SGCZ: variants seen among roughly 807,000 people sequenced by gnomAD.
The protein encoded by SGCZ is sarcoglycan zeta.
In SGCZ, 40 loss-of-function variants were observed where a neutral mutation model predicts 41.3. The observed-to-expected ratio is 0.97, with a 90% CI of 0.75 to 1.26. The LOEUF (loss-of-function observed/expected upper bound fraction) is 1.26. SGCZ is among the 50% of genes most tolerant of loss of function. SGCZ has a pLI of 0.00. For synonymous variants in SGCZ, 206 were observed against 137.5 expected (o/e 1.50, Z -3.49); for missense variants, 552 against 369.8 (o/e 1.49, Z -4.04).
chr8:14,916,816 G>A (rs1271298277), intron 1 of SGCZ, among the ~76,000 whole-genome samples: 1 of 152,028 alleles, frequency 6.6e-6, no homozygotes, highest in Non-Finnish European at 1.5e-5. Context: ...TAGAGCCAAG[G>A]ATTCAGCTGG....
Position 14,773,765 on chromosome 8 carries a change from A to G in SGCZ, c.40-218839T>C, listed in dbSNP as rs140576238. On this transcript the variant is annotated intron_variant, in intron 1 of 7. Coordinates refer to ENST00000382080, the MANE Select transcript of SGCZ (RefSeq NM_139167.4). ...CTCCTTCTATCTGTAAGGCAAAGTC[A>G]GCAGAGACTCTTAACCAAGGATGAA... 1.1e-3 allele frequency among the ~76,000 whole-genome samples: 165 copies of G among 152,322 alleles called. 2 individuals are homozygous for G. The highest frequency in any genetic ancestry group is 3.8e-3 in the African/African-American group (160 of 41,580).
intron 2 of SGCZ, among the ~76,000 whole-genome samples, chr8:14,463,238 G>C (rs1281651269): frequency 6.6e-6 from 1 of 150,884 alleles, no homozygotes; most frequent in African/African-American, 2.4e-5. Context: ...TCTCATGAGA[G>C]CTCAAATAGC....
At chr8:15,099,197 A>C (rs1806507893) in intron 1 of SGCZ, among the ~76,000 whole-genome samples, 1 of 152,248 alleles carries the variant, frequency 6.6e-6, no homozygotes, top group Non-Finnish European at 1.5e-5. Context: ...TTAATCGTGT[A>C]GTCTTTGTGA....
intron 1 of SGCZ, among the ~76,000 whole-genome samples, chr8:14,969,011 C>G (rs1801208296): frequency 6.6e-6 from 1 of 152,010 alleles, no homozygotes. Context: ...AGAACATTTA[C>G]ATCATTGTGC....
chr8:14,347,885 C>T (rs1563271804), intron 2 of SGCZ, among the ~76,000 whole-genome samples: 1 of 152,102 alleles, frequency 6.6e-6, no homozygotes, highest in African/African-American at 2.4e-5. Context: ...CCAAGTGCCT[C>T]AGCTTTAAAA....
intron 7 of SGCZ, among the ~76,000 whole-genome samples, chr8:14,094,946 G>C (rs184891275): frequency 1.3e-5 from 2 of 150,818 alleles, no homozygotes; most frequent in Non-Finnish European, 2.9e-5. Flanking sequence ...TTGGACAAGT[G>C]TCTGTTCATA....
At chr8:14,882,827 G>C (rs1195643866) in intron 1 of SGCZ, among the ~76,000 whole-genome samples, 1 of 151,962 alleles carries the variant, frequency 6.6e-6, no homozygotes, top group Non-Finnish European at 1.5e-5. Flanking sequence ...TGTCGGCTCA[G>C]CATCATTTGG....
intron 1 of SGCZ, among the ~76,000 whole-genome samples, chr8:15,227,262 C>A (rs913792116): frequency 3.3e-5 from 5 of 152,084 alleles, no homozygotes; most frequent in African/African-American, 4.8e-5. Context: ...TATGTATAAA[C>A]AGAATTTGTG....
intron 1 of SGCZ, among the ~76,000 whole-genome samples, chr8:14,922,074 G>T (rs937652314): frequency 5.3e-5 from 8 of 152,026 alleles, no homozygotes; most frequent in Non-Finnish European, 1.0e-4. Context: ...TTGAAGCCAA[G>T]CCAAGTGGTG....
intron 1 of SGCZ, among the ~76,000 whole-genome samples, chr8:15,024,657 G>C (rs1376454594): frequency 6.6e-6 from 1 of 152,080 alleles, no homozygotes; most frequent in Non-Finnish European, 1.5e-5. Flanking sequence ...ACAGTGGTCA[G>C]GCCGGGTGGT....
chr8:14,701,973 G>A (rs1462703931), intron 1 of SGCZ, among the ~76,000 whole-genome samples: 2 of 151,682 alleles, frequency 1.3e-5, no homozygotes, highest in Admixed American at 1.3e-4. Context: ...TCCTAATTAT[G>A]TCCTCCTCTT....
intron 1 of SGCZ, among the ~76,000 whole-genome samples, chr8:14,791,880 A>G (rs1800966552): frequency 6.6e-6 from 1 of 152,236 alleles, no homozygotes; most frequent in South Asian, 2.1e-4. Flanking sequence ...TTAAAATGAT[A>G]CAGATGGGTT....
chr8:14,289,166 T>G (rs1768411870), intron 3 of SGCZ, among the ~76,000 whole-genome samples: 1 of 152,094 alleles, frequency 6.6e-6, no homozygotes, highest in South Asian at 2.1e-4. Flanking sequence ...TTATTTTGGA[T>G]GTTAGAGTTT....
chr8:14,468,737 C>G (rs923555350), intron 2 of SGCZ, among the ~76,000 whole-genome samples: 1 of 152,040 alleles, frequency 6.6e-6, no homozygotes, highest in African/African-American at 2.4e-5. Flanking sequence ...AAATCAGTTT[C>G]TCCTAGACTT....
chr8:14,445,307 A>T (rs1800399265), intron 2 of SGCZ, among the ~76,000 whole-genome samples: 1 of 152,164 alleles, frequency 6.6e-6, no homozygotes, highest in Non-Finnish European at 1.5e-5. Context: ...ATTCTAAACA[A>T]TGTATTTTTA....
intron 2 of SGCZ, among the ~76,000 whole-genome samples, chr8:14,386,638 A>G (rs567302704): frequency 6.6e-6 from 1 of 152,260 alleles, no homozygotes; most frequent in Admixed American, 6.5e-5. Context: ...TATTTCTCTA[A>G]ATTTGGTTTA....
chr8:14,633,901 A>C (rs551407619), intron 1 of SGCZ, among the ~76,000 whole-genome samples: 1 of 151,392 alleles, frequency 6.6e-6, no homozygotes, highest in African/African-American at 2.4e-5. Context: ...AACAAACAAA[A>C]GTTTCTTAAT....
chr8:14,645,898 A>G (rs564823792), intron 1 of SGCZ, among the ~76,000 whole-genome samples: 16 of 151,000 alleles, frequency 1.1e-4, no homozygotes, highest in African/African-American at 3.9e-4. Flanking sequence ...TCCATAATGT[A>G]CCTCATGATA....
intron 1 of SGCZ, among the ~76,000 whole-genome samples, chr8:14,623,104 G>A (rs545206642): frequency 2.0e-5 from 3 of 152,188 alleles, no homozygotes; most frequent in South Asian, 4.2e-4. Context: ...CAATTCAGTC[G>A]CTTTGAACTT....
Sources: gnomAD v4.1 joint callset for allele counts (sites outside exome capture counted in the v4.1 genomes callset) on GRCh38, gnomAD v4.1.1 for gene constraint, MANE v1.5 for transcripts, NCBI Gene and HGNC (gene_info 2026-07-23, HGNC 2026-07-21) for gene names.